KCTD8: variants seen among roughly 807,000 people sequenced by gnomAD.
KCTD8 encodes potassium channel tetramerization domain containing 8, also known as BTB/POZ domain-containing protein KCTD8.
A neutral mutation model predicts 31.5 loss-of-function variants in KCTD8; 27 were observed. The ratio of observed to expected loss-of-function variants is 0.86; its 90% CI spans 0.63 to 1.18. The LOEUF (loss-of-function observed/expected upper bound fraction) is 1.18. KCTD8 is among the 50% of genes most tolerant of loss of function. The probability of loss-of-function intolerance (pLI) is 0.00; values close to 1 mark genes in which losing one functional copy is unlikely to be tolerated. For missense variants in KCTD8, 658 were observed against 647.7 expected (o/e 1.02, Z -0.17); for synonymous variants, 290 against 280.0 (o/e 1.04, Z -0.36).
chr4:44,409,844 G>GA (rs201190350), intron 1 of KCTD8, among the ~76,000 whole-genome samples: 127 of 141,766 alleles, frequency 9.0e-4, no homozygotes, highest in Middle Eastern at 3.6e-3. Context: ...TGGGAAAACA[G>GA]AAAAAAAAAA....
intron 1 of KCTD8, among the ~76,000 whole-genome samples, chr4:44,271,450 C>G (rs1257219845): frequency 6.6e-6 from 1 of 152,114 alleles, no homozygotes; most frequent in African/African-American, 2.4e-5. Flanking sequence ...CTCAATGTCA[C>G]AGTTTACTGA....
chr4:44,244,614 G>A (rs1037600574), intron 1 of KCTD8, among the ~76,000 whole-genome samples: 1 of 152,084 alleles, frequency 6.6e-6, no homozygotes, highest in African/African-American at 2.4e-5. Context: ...CTCTCCCAAT[G>A]ATTTGCTATG....
intron 1 of KCTD8, among the ~76,000 whole-genome samples, chr4:44,182,067 G>A (rs990818509): frequency 1.3e-4 from 19 of 150,726 alleles, no homozygotes; most frequent in African/African-American, 2.9e-4. Flanking sequence ...CAGCCACCCC[G>A]TCTGAGAAGT....
intron 1 of KCTD8, among the ~76,000 whole-genome samples, chr4:44,439,396 A>T (rs995816310): frequency 6.6e-6 from 1 of 152,188 alleles, no homozygotes; most frequent in Non-Finnish European, 1.5e-5. Context: ...AATATGGTAG[A>T]AATAATATTC....
chr4:44,339,945 C>A (rs1718851629), intron 1 of KCTD8, among the ~76,000 whole-genome samples: 1 of 151,772 alleles, frequency 6.6e-6, no homozygotes, highest in South Asian at 2.1e-4. Context: ...AGTCAACAGA[C>A]AAAACTCAAT....
At chr4:44,209,013 G>T (rs1298728470) in intron 1 of KCTD8, among the ~76,000 whole-genome samples, 1 of 152,000 alleles carries the variant, frequency 6.6e-6, no homozygotes, top group African/African-American at 2.4e-5. Context: ...TTATTTGAAG[G>T]TTTGTTATTT....
At chr4:44,301,288 C>G (rs912738255) in intron 1 of KCTD8, among the ~76,000 whole-genome samples, 2 of 152,136 alleles carry the variant, frequency 1.3e-5, no homozygotes, top group African/African-American at 4.8e-5. Flanking sequence ...TGAGGAATCG[C>G]CACACTGACT....
intron 1 of KCTD8, among the ~76,000 whole-genome samples, chr4:44,240,073 G>A (rs1715403356): frequency 6.6e-6 from 1 of 152,134 alleles, no homozygotes. Context: ...CATTTATCGG[G>A]ACCCACTGCC....
chr4:44,352,401 G>C (rs1302004282), intron 1 of KCTD8, among the ~76,000 whole-genome samples: 1 of 150,490 alleles, frequency 6.6e-6, no homozygotes. Flanking sequence ...AAAAAGAATA[G>C]AAATAGAAAT....
At chr4:44,335,479 A>C (rs1294602175) in intron 1 of KCTD8, among the ~76,000 whole-genome samples, 1 of 152,142 alleles carries the variant, frequency 6.6e-6, no homozygotes. Context: ...AGAAACTTTA[A>C]AAATATGTTT....
chr4:44,383,154 TA>T lies in KCTD8; in HGVS notation c.961+64408del, dbSNP rs574997994. 7.9e-5 allele frequency among the ~76,000 whole-genome samples: 12 copies of T among 151,208 alleles called. No homozygotes were observed. The South Asian group carries it at 2.3e-3, about 29-fold the overall frequency. On this transcript the variant is annotated intron_variant, in intron 1 of 1. Coordinates refer to ENST00000360029, the MANE Select transcript of KCTD8 (RefSeq NM_198353.3). ...TGCAAAAAAACCTATAAAACGCTGA[TA>T]AAAAAAACTTGAAAAAGACACCAAA... is the stretch of plus-strand genomic sequence containing the variant.
At chr4:44,263,189 C>G (rs1467778332) in intron 1 of KCTD8, among the ~76,000 whole-genome samples, 1 of 152,084 alleles carries the variant, frequency 6.6e-6, no homozygotes, top group Non-Finnish European at 1.5e-5. Flanking sequence ...ATAGGCATAA[C>G]AGCAAGTTTA....
chr4:44,407,288 A>G (rs1220352232), intron 1 of KCTD8, among the ~76,000 whole-genome samples: 1 of 151,888 alleles, frequency 6.6e-6, no homozygotes, highest in East Asian at 1.9e-4. Context: ...TCTCCTCTCA[A>G]TTACTACACT....
chr4:44,210,037 G>C (rs1714436094), intron 1 of KCTD8, among the ~76,000 whole-genome samples: 1 of 152,160 alleles, frequency 6.6e-6, no homozygotes, highest in African/African-American at 2.4e-5. Context: ...AGCTCTAAGA[G>C]AGACCAGAAG....
At chr4:44,205,067 TA>T (rs886667652) in intron 1 of KCTD8, among the ~76,000 whole-genome samples, 4 of 151,966 alleles carry the variant, frequency 2.6e-5, no homozygotes, top group African/African-American at 9.7e-5. Flanking sequence ...TTTACTAGAA[TA>T]ATACCATAAA....
intron 1 of KCTD8, among the ~76,000 whole-genome samples, chr4:44,331,038 A>G (rs1718579403): frequency 1.3e-5 from 2 of 151,914 alleles, no homozygotes. Flanking sequence ...TTTGTAGATT[A>G]AACATGTTAA....
intron 1 of KCTD8, among the ~76,000 whole-genome samples, chr4:44,192,117 A>G (rs1396983509): frequency 6.6e-6 from 1 of 152,214 alleles, no homozygotes. Context: ...ATGCATTGAA[A>G]TATTGGGGGC....
At chr4:44,258,067 G>C (rs546846520) in intron 1 of KCTD8, among the ~76,000 whole-genome samples, 12 of 151,958 alleles carry the variant, frequency 7.9e-5, no homozygotes, top group African/African-American at 2.9e-4. Context: ...TGCTGTTTTA[G>C]GAAACTGAGG....
intron 1 of KCTD8, among the ~76,000 whole-genome samples, chr4:44,226,477 T>C (rs1453379865): frequency 6.6e-6 from 1 of 152,196 alleles, no homozygotes; most frequent in African/African-American, 2.4e-5. Flanking sequence ...GTCTTGCTAT[T>C]GTAAATAGTG....
Sources: allele counts gnomAD v4.1 joint callset (sites outside exome capture counted in the v4.1 genomes callset), GRCh38; gene constraint gnomAD v4.1.1; transcripts MANE v1.5; gene names NCBI Gene and HGNC (gene_info 2026-07-23, HGNC 2026-07-21).